Variants in BANK1 observed in about 807,000 individuals in gnomAD.
BANK1 encodes B-cell scaffold protein with ankyrin repeats.
Under a neutral mutation model 94.5 loss-of-function variants are expected in BANK1, and 95 were observed. That is an observed-to-expected ratio of 1.00 (90% CI 0.85 to 1.19). BANK1 has a LOEUF of 1.19. Ranked by LOEUF, BANK1 falls within the 50% of genes most tolerant of loss-of-function variation. The pLI is 0.00. For missense variants in BANK1, 987 were observed against 932.2 expected (o/e 1.06, Z -0.77); for synonymous variants, 334 against 308.4 (o/e 1.08, Z -0.87).
intron 7 of BANK1, among the ~76,000 whole-genome samples, chr4:102,002,406 A>G (rs1726107556): frequency 6.6e-6 from 1 of 152,094 alleles, no homozygotes; most frequent in South Asian, 2.1e-4. Flanking sequence ...GAAAGTGTGT[A>G]GTTTTGAAGA....
At chr4:101,794,021 G>C (rs1269683005) in intron 1 of BANK1, among the ~76,000 whole-genome samples, 1 of 152,038 alleles carries the variant, frequency 6.6e-6, no homozygotes, top group African/African-American at 2.4e-5. Flanking sequence ...CTTGTATAAA[G>C]ATACTGCAAT....
intron 7 of BANK1, among the ~76,000 whole-genome samples, chr4:101,937,571 A>G (rs1723611211): frequency 6.6e-6 from 1 of 151,922 alleles, no homozygotes; most frequent in South Asian, 2.1e-4. Context: ...AATGGCTATC[A>G]TTAAAAAGTC....
intron 11 of BANK1, among the ~76,000 whole-genome samples, chr4:102,049,859 G>A (rs2658535): frequency 0.59 from 90,189 of 151,958 alleles, 26,971 homozygotes; most frequent in Admixed American, 0.65. Context: ...TAACTGGTAT[G>A]TGACTTTTCT....
intron 5 of BANK1, among the ~76,000 whole-genome samples, chr4:101,887,997 AT>A (rs1354431564): frequency 1.3e-5 from 2 of 152,148 alleles, no homozygotes; most frequent in Non-Finnish European, 2.9e-5. Context: ...CTGCAGTAAG[AT>A]TTTTTTAAAG....
chr4:101,973,348 A>C (rs748412868), intron 7 of BANK1, among the ~76,000 whole-genome samples: 16 of 152,032 alleles, frequency 1.1e-4, no homozygotes, highest in African/African-American at 1.4e-4. Flanking sequence ...CATTCAAAAA[A>C]ACTTAGAGTA....
chr4:102,041,868 T>C (rs1436220378), intron 10 of BANK1, among the ~76,000 whole-genome samples: 1 of 152,038 alleles, frequency 6.6e-6, no homozygotes, highest in African/African-American at 2.4e-5. Flanking sequence ...GCATTTGTTA[T>C]CAGCAAAAAG....
chr4:101,963,964 A>G (rs767483236), intron 7 of BANK1, among the ~76,000 whole-genome samples: 9 of 152,178 alleles, frequency 5.9e-5, no homozygotes, highest in Non-Finnish European at 1.3e-4. Context: ...ACCTCCTCCT[A>G]CATTGACAGC....
chr4:101,808,571 CAATCCACAGCGTGGGAGAA>C (rs144497805), intron 1 of BANK1, among the ~76,000 whole-genome samples: 92 of 151,820 alleles, frequency 6.1e-4, no homozygotes, highest in African/African-American at 2.2e-3. Flanking sequence ...AGTAAACAAA[CAATCCACAGCGTGGGAGAA>C]AATATTTGCA....
intron 2 of BANK1, among the ~76,000 whole-genome samples, chr4:101,843,306 G>A (rs1412159098): frequency 6.6e-6 from 1 of 151,900 alleles, no homozygotes; most frequent in Admixed American, 6.6e-5. Flanking sequence ...TATTAATCTT[G>A]ATTCAATGAC....
At chr4:101,881,437 CT>C (rs1728673112) in intron 5 of BANK1, among the ~76,000 whole-genome samples, 1 of 151,984 alleles carries the variant, frequency 6.6e-6, no homozygotes, top group Admixed American at 6.6e-5. Flanking sequence ...ATAACAAATG[CT>C]GGTGAGGATG....
chr4:101,970,512 G>C (rs1367988033), intron 7 of BANK1, among the ~76,000 whole-genome samples: 5 of 152,084 alleles, frequency 3.3e-5, no homozygotes, highest in African/African-American at 1.2e-4. Context: ...CTCTCCTGGA[G>C]GGGAGAGGAA....
At chr4:101,837,467 A>G (rs1017444461) in intron 2 of BANK1, among the ~76,000 whole-genome samples, 1 of 152,210 alleles carries the variant, frequency 6.6e-6, no homozygotes, top group African/African-American at 2.4e-5. Flanking sequence ...GATACTTTAC[A>G]CAAGGGTTTT....
At chr4:101,814,752 A>G (rs991110851) in intron 1 of BANK1, among the ~76,000 whole-genome samples, 2 of 152,132 alleles carry the variant, frequency 1.3e-5, no homozygotes, top group African/African-American at 2.4e-5. Flanking sequence ...TTTGTTTAAC[A>G]TTTTTGTTTT....
chr4:101,866,634 A>ATTACGTTGAATTTCTCT (rs1560608069), intron 4 of BANK1, among the ~76,000 whole-genome samples: 1 of 118,706 alleles, frequency 8.4e-6, no homozygotes, highest in Non-Finnish European at 1.8e-5. Context: ...GAGTATAGGA[A>ATTACGTTGAATTTCTCT]TACCATTTGA....
chr4:102,066,997 G>C (rs570330012), intron 13 of BANK1, among the ~76,000 whole-genome samples: 19 of 152,222 alleles, frequency 1.2e-4, no homozygotes, highest in African/African-American at 4.3e-4. Context: ...CAGTTACAAA[G>C]TAGGAAGAGG....
intron 7 of BANK1, among the ~76,000 whole-genome samples, chr4:101,985,491 A>G (rs1199265146): frequency 6.6e-6 from 1 of 152,152 alleles, no homozygotes; most frequent in African/African-American, 2.4e-5. Flanking sequence ...ATTTATTACT[A>G]CTTAATAGTT....
intron 7 of BANK1, among the ~76,000 whole-genome samples, chr4:101,966,486 A>G (rs1332087358): frequency 6.6e-6 from 1 of 152,090 alleles, no homozygotes; most frequent in African/African-American, 2.4e-5. Flanking sequence ...GAGTATGGTT[A>G]GTGCAATTTT....
intron 13 of BANK1, among the ~76,000 whole-genome samples, chr4:102,068,481 T>C (rs1418419443): frequency 1.3e-5 from 2 of 151,978 alleles, no homozygotes; most frequent in Admixed American, 6.6e-5. Flanking sequence ...AGGAATTAAA[T>C]TGGGTTACTA....
At chr4:101,952,825 C>T (rs1724212823) in intron 7 of BANK1, among the ~76,000 whole-genome samples, 1 of 152,110 alleles carries the variant, frequency 6.6e-6, no homozygotes, top group African/African-American at 2.4e-5. Context: ...CTTGAGTCTG[C>T]GCCCTTACCA....
Sources: gnomAD v4.1 joint callset for allele counts (sites outside exome capture counted in the v4.1 genomes callset) on GRCh38, gnomAD v4.1.1 for gene constraint, MANE v1.5 for transcripts, NCBI Gene and HGNC (gene_info 2026-07-23, HGNC 2026-07-21) for gene names.